Variants in GCA observed in about 807,000 individuals in gnomAD.
The protein encoded by GCA is grancalcin, also known as grancalcin, EF-hand calcium-binding protein.
In GCA, 30 loss-of-function variants were observed where a neutral mutation model predicts 32.6. The ratio of observed to expected loss-of-function variants is 0.92; its 90% CI spans 0.69 to 1.25. GCA has a LOEUF of 1.25. Ranked by LOEUF, GCA falls within the 50% of genes most tolerant of loss-of-function variation. The probability of loss-of-function intolerance (pLI) is 0.00; values close to 1 mark genes in which losing one functional copy is unlikely to be tolerated. For synonymous variants in GCA, 102 were observed against 84.6 expected (o/e 1.21, Z -1.13); for missense variants, 291 against 266.8 (o/e 1.09, Z -0.63).
intron 1 of GCA, among the ~76,000 whole-genome samples, chr2:162,346,245 T>TA (rs1684701588): frequency 6.6e-6 from 1 of 152,210 alleles, no homozygotes; most frequent in African/African-American, 2.4e-5. Context: ...ACAGAAAACT[T>TA]AAACAGATTA....
chr2:162,341,016 A>C (rs1684424209), upstream of GCA, among the ~76,000 whole-genome samples: 1 of 151,972 alleles, frequency 6.6e-6, no homozygotes, highest in South Asian at 2.1e-4. Context: ...CACATGGTTT[A>C]TAATTTACTT....
chr2:162,364,508 A>G (rs1340392180), downstream of GCA, among the ~76,000 whole-genome samples: 1 of 151,496 alleles, frequency 6.6e-6, no homozygotes, highest in Non-Finnish European at 1.5e-5. Context: ...CCTTGGTTGT[A>G]GATACCAATA....
downstream of GCA, among the ~76,000 whole-genome samples, chr2:162,375,223 T>C (rs73014829): frequency 0.084 from 12,829 of 152,222 alleles, 1,752 homozygotes; most frequent in African/African-American, 0.29. Context: ...CTTACAACAA[T>C]GTTTATTACA....
chr2:162,373,543 A>T (rs776486621), downstream of GCA: 3 of 1,591,264 alleles, frequency 1.9e-6, no homozygotes, highest in African/African-American at 4.1e-5. Flanking sequence ...CAGCTGGATG[A>T]TGGGTCTCTG....
At chr2:162,368,249 A>G (rs1304117361) in intron 4 of GCA, among the ~76,000 whole-genome samples, 1 of 151,908 alleles carries the variant, frequency 6.6e-6, no homozygotes, top group African/African-American at 2.4e-5. Flanking sequence ...ACATGATAGA[A>G]ACATATTTGT....
chr2:162,354,652 G>A lies in GCA; in HGVS notation c.263-1786G>A, dbSNP rs1014983510. 2.6e-5 allele frequency among the ~76,000 whole-genome samples: 4 copies of A among 151,966 alleles called. No individual in the cohort carries two copies. In the East Asian group the frequency reaches 7.7e-4, roughly 29 times the overall value. Reference sequence around the variant, plus strand: ...GTACTGCCAATTCTTTGGCATTTGGGGTCTTCTCCAAGGGTTGCTTCTCAG... The same window carrying A: ...GTACTGCCAATTCTTTGGCATTTGGAGTCTTCTCCAAGGGTTGCTTCTCAG... On this transcript the variant is annotated intron_variant, in intron 3 of 7. Transcript: ENST00000437150.
At chr2:162,349,208 A>G (rs923857487) in intron 2 of GCA, among the ~76,000 whole-genome samples, 2 of 152,142 alleles carry the variant, frequency 1.3e-5, no homozygotes, top group African/African-American at 4.8e-5. Context: ...CAGTGGGGAA[A>G]GAATGATTCC....
chr2:162,371,067 A>G (rs1685920406), intron 4 of GCA, among the ~76,000 whole-genome samples: 1 of 152,164 alleles, frequency 6.6e-6, no homozygotes, highest in Non-Finnish European at 1.5e-5. Flanking sequence ...GCAGTACTTA[A>G]GGAGACCACA....
downstream of GCA, chr2:162,371,873 C>T: frequency 6.2e-7 from 1 of 1,613,184 alleles, no homozygotes. Context: ...CTATGAAGAC[C>T]CACGATTCCT....
Position 162,359,054 on chromosome 2 carries a change from G to A in GCA, c.465G>A (p.Leu155=), listed in dbSNP as rs1408038945. The change falls in exon 6 of 8, where the codon TTG becomes TTA. Residue 155 remains leucine (L), a synonymous_variant. Coordinates refer to ENST00000437150, the MANE Select transcript of GCA (RefSeq NM_012198.5). ...TTATCTCTTTTTTAGGTTATAGGTT[G>A]AGTCCTCAAACATTAACTACTATTG... The part of the protein sequence containing the change: ...RQAIGLMGYR[L]SPQTLTTIVK... 6.5e-7 allele frequency: 1 copy of A among 1,530,802 alleles called. No individual in the cohort carries two copies. Among genetic ancestry groups the A allele is most frequent in the Non-Finnish European group, 9.0e-7 (1 of 1,107,400 alleles). The allele number at this position is 1,530,802 out of a possible 1,614,324, so 94.8% of individuals were successfully genotyped here.
At chr2:162,354,087 G>C (rs1212791041) in intron 3 of GCA, among the ~76,000 whole-genome samples, 1 of 152,020 alleles carries the variant, frequency 6.6e-6, no homozygotes, top group Non-Finnish European at 1.5e-5. Flanking sequence ...TATAACCTTT[G>C]TTTTTTCCAG....
chr2:162,333,001 T>C (rs561571061), intron 1 of GCA, among the ~76,000 whole-genome samples: 6 of 152,128 alleles, frequency 3.9e-5, no homozygotes, highest in African/African-American at 1.4e-4. Context: ...TGCTGGGGGA[T>C]CAAAACATGA....
chr2:162,334,109 C>A (rs1311404148), intron 1 of GCA, among the ~76,000 whole-genome samples: 1 of 152,156 alleles, frequency 6.6e-6, no homozygotes, highest in Non-Finnish European at 1.5e-5. Context: ...GGAAAGCCTT[C>A]CCTTGCTTCC....
intron 1 of GCA, among the ~76,000 whole-genome samples, chr2:162,330,211 A>G (rs1684027746): frequency 6.6e-6 from 1 of 152,166 alleles, no homozygotes; most frequent in African/African-American, 2.4e-5. Context: ...TGCTGGGTCA[A>G]ATGGTATTTC....
downstream of GCA, among the ~76,000 whole-genome samples, chr2:162,367,458 T>C (rs1415564682): frequency 2.6e-5 from 4 of 152,026 alleles, no homozygotes; most frequent in Admixed American, 6.6e-5. Context: ...CCAGCCTTTA[T>C]AGAATACATT....
At chr2:162,372,148 A>G, downstream of GCA, 1 of 1,392,952 alleles carries the variant, frequency 7.2e-7, no homozygotes, top group Non-Finnish European at 9.9e-7. Context: ...ATAGATAGTC[A>G]TTGAAAATTA....
At chr2:162,352,221 ATAGAG>A (rs1307358122) in intron 2 of GCA, 112 bp from the exon 3 acceptor site, 10 of 635,516 alleles carry the variant, frequency 1.6e-5, no homozygotes, top group African/African-American at 1.5e-4. Flanking sequence ...GTAGTTAATT[ATAGAG>A]TAATGTTTCA....
At position 162,345,093 on chromosome 2, in the gene GCA, ATGGTGGTGGTGG is replaced by A. The variant is rs377413955; in HGVS notation, c.27+850_27+861del. Among the ~76,000 whole-genome samples, 53 of 109,398 alleles carry A rather than the reference ATGGTGGTGGTGG, an allele frequency of 4.8e-4. 1 individual carries two copies. The East Asian group carries it at 5.4e-3, about 11-fold the overall frequency. 71.8% of individuals were successfully genotyped at this position (109,398 alleles called of 152,430 possible). A position where few individuals can be genotyped will look rare whatever the true frequency, so the allele number is the denominator to read the frequency against. On this transcript the variant is annotated intron_variant, in intron 1 of 7. Coordinates refer to ENST00000437150, the MANE Select transcript of GCA (RefSeq NM_012198.5). Reference sequence around the variant, plus strand: ...GAGTTACTCCTACCCCTTGGAGTTCATGGTGGTGGTGGTGGTGGTGGTGGTGGTGGTGGTGGT... The same window carrying A: ...GAGTTACTCCTACCCCTTGGAGTTCATGGTGGTGGTGGTGGTGGTGGTGGT...
intron 5 of GCA, 62 bp from the exon 6 acceptor site, chr2:162,358,982 A>T (rs1685421426): frequency 1.4e-6 from 1 of 733,234 alleles, no homozygotes; most frequent in South Asian, 1.8e-5. Flanking sequence ...TTAATGAGAA[A>T]GCAATCTTGC....
Sources: gnomAD v4.1 joint callset for allele counts (sites outside exome capture counted in the v4.1 genomes callset) on GRCh38, gnomAD v4.1.1 for gene constraint, MANE v1.5 for transcripts, NCBI Gene and HGNC (gene_info 2026-07-23, HGNC 2026-07-21) for gene names.